The following DIPK2A variants were observed in gnomAD, a reference collection of about 807,000 sequenced individuals.
DIPK2A encodes the protein divergent protein kinase domain 2A.
A neutral mutation model predicts 39.0 loss-of-function variants in DIPK2A; 27 were observed. That is an observed-to-expected ratio of 0.69 (90% CI 0.51 to 0.96). The LOEUF is 0.96. DIPK2A is among the 40% of genes least tolerant of loss of function. The pLI, the probability that DIPK2A is intolerant of heterozygous loss-of-function variation, is 0.00. For synonymous variants in DIPK2A, 298 were observed against 240.8 expected, an observed-to-expected ratio of 1.24 and a Z score of -2.20; for missense variants, 528 against 571.3, an observed-to-expected ratio of 0.92 and a Z score of 0.77.
intron 2 of DIPK2A, among the ~76,000 whole-genome samples, chr3:143,986,410 G>A (rs149381170): frequency 3.3e-5 from 5 of 152,262 alleles, no homozygotes; most frequent in African/African-American, 1.2e-4. Flanking sequence ...GGATAGATGA[G>A]TAGTGTCTGA....
chr3:143,979,822 T>C (rs10513235), intron 1 of DIPK2A, among the ~76,000 whole-genome samples: 41,091 of 152,102 alleles, frequency 0.27, 6,084 homozygotes, highest in Non-Finnish European at 0.33. Context: ...TTGGACATGA[T>C]ATTCAGTAAA....
At chr3:143,982,799 C>T (rs183401840) in intron 1 of DIPK2A, among the ~76,000 whole-genome samples, 270 of 152,248 alleles carry the variant, frequency 1.8e-3, no homozygotes, top group African/African-American at 6.1e-3. Context: ...AAGACACAGA[C>T]TGGCAAATTG....
intron 1 of DIPK2A, among the ~76,000 whole-genome samples, chr3:143,975,065 T>C (rs893232901): frequency 1.3e-5 from 2 of 152,180 alleles, no homozygotes; most frequent in African/African-American, 4.8e-5. Flanking sequence ...ATATGACACA[T>C]AATGACACAG....
intron 2 of DIPK2A, chr3:143,986,113 C>T: frequency 2.6e-6 from 1 of 389,940 alleles, no homozygotes; most frequent in South Asian, 3.8e-5. Flanking sequence ...TCTTGCCTAC[C>T]TTAGACATAC....
At chr3:143,981,580 T>C (rs1385271469) in intron 1 of DIPK2A, among the ~76,000 whole-genome samples, 1 of 152,214 alleles carries the variant, frequency 6.6e-6, no homozygotes, top group East Asian at 1.9e-4. Context: ...TTTTCCAGCA[T>C]AATGTTGGCT....
intron 1 of DIPK2A, among the ~76,000 whole-genome samples, chr3:143,984,020 T>TAA (rs1358687477): frequency 6.6e-6 from 1 of 152,246 alleles, no homozygotes; most frequent in Non-Finnish European, 1.5e-5. Flanking sequence ...GCTTTTATCT[T>TAA]ACGGTGATGA....
intron 1 of DIPK2A, among the ~76,000 whole-genome samples, chr3:143,978,261 A>G (rs147765873): frequency 6.6e-6 from 1 of 152,010 alleles, no homozygotes; most frequent in Non-Finnish European, 1.5e-5. Flanking sequence ...ATGTTAAATT[A>G]TGGCCTTATA....
At position 143,975,078 on chromosome 3, in the gene DIPK2A, A is replaced by G. The variant is rs547955173; in HGVS notation, c.657+2089A>G. On this transcript the variant is annotated intron_variant, in intron 1 of 2. Coordinates refer to ENST00000315691, the MANE Select transcript of DIPK2A (RefSeq NM_173552.5). Reference sequence around the variant, plus strand: ...ATATATGACACATAATGACACAGCTACTTTGAGTGGGTAAACACATGGGCC... The same window carrying G: ...ATATATGACACATAATGACACAGCTGCTTTGAGTGGGTAAACACATGGGCC... 8.5e-5 allele frequency among the ~76,000 whole-genome samples: 13 copies of G among 152,252 alleles called. No homozygotes were observed. The East Asian group carries it at 2.5e-3, about 29-fold the overall frequency.
chr3:143,976,361 A>G (rs2087728305), intron 1 of DIPK2A, among the ~76,000 whole-genome samples: 1 of 151,592 alleles, frequency 6.6e-6, no homozygotes, highest in African/African-American at 2.4e-5. Flanking sequence ...CTGTAATCCT[A>G]TGAAAAAAAA....
chr3:143,977,577 C>T (rs1302760582), intron 1 of DIPK2A, among the ~76,000 whole-genome samples: 1 of 152,076 alleles, frequency 6.6e-6, no homozygotes, highest in African/African-American at 2.4e-5. Context: ...TCAGGAGTTT[C>T]TTTTCAAACA....
At position 143,991,893 on chromosome 3, in the gene DIPK2A, T is replaced by G. The variant is rs2087994112; in HGVS notation, c.*2052T>G. Reference sequence around the variant, plus strand: ...TGGTTTAGCAAACATTTGCTTTTCTTTTTGGAAGTGTGATTGCAATTGCAG... The same window carrying G: ...TGGTTTAGCAAACATTTGCTTTTCTGTTTGGAAGTGTGATTGCAATTGCAG... On this transcript the variant is annotated 3_prime_UTR_variant, in exon 3 of 3. Coordinates refer to ENST00000315691, the MANE Select transcript of DIPK2A (RefSeq NM_173552.5). 1 of 152,210 alleles carries G rather than the reference T, an allele frequency of 6.6e-6. No individual in the cohort carries two copies. Among genetic ancestry groups the G allele is most frequent in the African/African-American group, 2.4e-5 (1 of 41,444 alleles). 9.4% of individuals were successfully genotyped at this position (152,210 alleles called of 1,614,324 possible). A position where few individuals can be genotyped will look rare whatever the true frequency, so the allele number is the denominator to read the frequency against.
At position 143,973,488 on chromosome 3, in the gene DIPK2A, C is replaced by T. The variant is rs1017486714; in HGVS notation, c.657+499C>T. 32 of 1,551,470 alleles carry T rather than the reference C, an allele frequency of 2.1e-5. No homozygotes were observed. The African/African-American group carries it at 3.4e-4, about 17-fold the overall frequency. On this transcript the variant is annotated intron_variant, in intron 1 of 2. Transcript: ENST00000315691. ...CAGAGTCTTTGTTTTCGCTCATTTACCTGGCAGTCATTTGGACACCTAATT... is the reference window on the plus strand; with the variant it reads ...CAGAGTCTTTGTTTTCGCTCATTTATCTGGCAGTCATTTGGACACCTAATT...
chr3:143,977,322 TTTA>T (rs772083971), intron 1 of DIPK2A, among the ~76,000 whole-genome samples: 3 of 151,822 alleles, frequency 2.0e-5, no homozygotes, highest in East Asian at 3.9e-4. Flanking sequence ...AAATTTGGTT[TTTA>T]TTGTTGTTGT....
In DIPK2A at chr3:143,972,961, C is replaced by T. The variant is rs764744986; in HGVS notation, c.629C>T (p.Ala210Val). The change falls in exon 1 of 3, where the codon GCC becomes GTC. Residue 210 changes from alanine (A) to valine (V), a missense_variant. By Grantham distance (64) the Ala-to-Val change is moderately conservative (BLOSUM62 0). Coordinates refer to ENST00000315691, the MANE Select transcript of DIPK2A (RefSeq NM_173552.5). ...CGCATGCAGCTGCTGCTGACCCTGG[C>T]CTTCAACCCCGAGCCGCTGGTGCTA... ...SERMQLLLTL[A>V]FNPEPLVLQS... 1.4e-5 allele frequency: 23 copies of T among 1,588,036 alleles called. No homozygotes were observed. Among genetic ancestry groups the T allele is most frequent in the Non-Finnish European group, 2.0e-5 (23 of 1,170,346 alleles).
intron 2 of DIPK2A, among the ~76,000 whole-genome samples, chr3:143,988,599 A>G (rs901472147): frequency 1.3e-5 from 2 of 152,112 alleles, no homozygotes; most frequent in African/African-American, 4.8e-5. Context: ...GACTCCTTCA[A>G]GTACATGTGT....
intron 1 of DIPK2A, among the ~76,000 whole-genome samples, chr3:143,977,440 C>G (rs2087746912): frequency 6.6e-6 from 1 of 151,934 alleles, no homozygotes; most frequent in Non-Finnish European, 1.5e-5. Context: ...CTTCCTACCC[C>G]CAAATTTTTA....
intron 2 of DIPK2A, among the ~76,000 whole-genome samples, chr3:143,987,956 GGAATA>G (rs976847230): frequency 3.3e-5 from 5 of 152,146 alleles, no homozygotes; most frequent in Admixed American, 3.3e-4. Context: ...TCCTTCTTTT[GGAATA>G]GTAACCTTCA....
chr3:143,983,802 C>T (rs1304072272), intron 1 of DIPK2A, among the ~76,000 whole-genome samples: 1 of 151,960 alleles, frequency 6.6e-6, no homozygotes, highest in Non-Finnish European at 1.5e-5. Context: ...AAAACCAGAC[C>T]ACTAGCAATA....
chr3:143,972,538 A>G lies in DIPK2A; in HGVS notation c.206A>G (p.Asn69Ser), dbSNP rs1377247268. Residue 69 changes from asparagine to serine, a missense_variant, in exon 1 of 3, where the codon AAC becomes AGC. Transcript: ENST00000315691. ...ACGAGCTGGTGCCGCCGCTTCCTCA[A>G]CGGGCAGGTGGTATTCGAGGCGTGG... The part of the protein sequence containing the change: ...FGTSWCRRFL[N>S]GQVVFEAWGR... 3 of 1,611,906 alleles carry G rather than the reference A, an allele frequency of 1.9e-6. No homozygotes were observed. Among genetic ancestry groups the G allele is most frequent in the Middle Eastern group, 1.6e-4 (1 of 6,076 alleles).
Sources: allele counts gnomAD v4.1 joint callset (sites outside exome capture counted in the v4.1 genomes callset), GRCh38; gene constraint gnomAD v4.1.1; transcripts MANE v1.5; gene names NCBI Gene and HGNC (gene_info 2026-07-23, HGNC 2026-07-21).